Variants in PTPRG observed in about 807,000 individuals in gnomAD.
The protein encoded by PTPRG is receptor-type tyrosine-protein phosphatase gamma.
In PTPRG, 102 loss-of-function variants were observed where a neutral mutation model predicts 165.3. The ratio of observed to expected loss-of-function variants is 0.62; its 90% confidence interval spans 0.53 to 0.73. The LOEUF is 0.73. Ranked by LOEUF, PTPRG falls within the 30% of genes least tolerant of loss-of-function variation. PTPRG has a pLI of 0.00. For synonymous variants in PTPRG, 675 were observed against 669.5 expected (o/e 1.01, Z -0.13); for missense variants, 1,866 against 1,861.4 (o/e 1.00, Z -0.05).
At chr3:61,745,806 TACA>T (rs1280681078) in intron 1 of PTPRG, among the ~76,000 whole-genome samples, 3 of 152,140 alleles carry the variant, frequency 2.0e-5, no homozygotes, top group Non-Finnish European at 4.4e-5. Flanking sequence ...AGAGCTCTAG[TACA>T]ACAATGGCCT....
At chr3:61,866,582 C>CTTTTTTTTTTTTTTTTTT (rs532356516) in intron 2 of PTPRG, among the ~76,000 whole-genome samples, 2 of 69,112 alleles carry the variant, frequency 2.9e-5, no homozygotes, top group South Asian at 9.0e-4. Context: ...ACTGTTTGCT[C>CTTTTTTTTTTTTTTTTTT]TTTTTTTTTT....
intron 1 of PTPRG, among the ~76,000 whole-genome samples, chr3:61,620,409 G>A (rs1701417241): frequency 6.6e-6 from 1 of 152,178 alleles, no homozygotes; most frequent in Non-Finnish European, 1.5e-5. Flanking sequence ...GAGGGAAAAT[G>A]GGATTTGGTT....
At chr3:62,000,780 G>T (rs76372468) in intron 3 of PTPRG, among the ~76,000 whole-genome samples, 1 of 152,142 alleles carries the variant, frequency 6.6e-6, no homozygotes, top group Non-Finnish European at 1.5e-5. Context: ...CCAGTCTTCC[G>T]TGCTGTCCAG....
At chr3:61,921,030 C>CTT (rs1183774135) in intron 2 of PTPRG, among the ~76,000 whole-genome samples, 2 of 151,918 alleles carry the variant, frequency 1.3e-5, no homozygotes, top group African/African-American at 4.8e-5. Context: ...CTCAGCAAAC[C>CTT]GTGAGGGTCT....
chr3:62,178,160 T>C (rs1705504191), intron 8 of PTPRG, among the ~76,000 whole-genome samples: 1 of 150,884 alleles, frequency 6.6e-6, no homozygotes, highest in African/African-American at 2.4e-5. Context: ...GATGGATGGA[T>C]GGATGGATGG....
chr3:62,142,005 C>T (rs1053351622), intron 6 of PTPRG, among the ~76,000 whole-genome samples: 3 of 151,230 alleles, frequency 2.0e-5, no homozygotes, highest in East Asian at 1.9e-4. Context: ...TGGATAAAGA[C>T]GTAGTGGTGC....
At chr3:62,186,109 T>C (rs1705871640) in intron 8 of PTPRG, among the ~76,000 whole-genome samples, 1 of 152,198 alleles carries the variant, frequency 6.6e-6, no homozygotes, top group Admixed American at 6.5e-5. Flanking sequence ...ATTTGACGGG[T>C]GTCTGGTACT....
At chr3:61,952,514 C>G (rs376430266) in intron 2 of PTPRG, among the ~76,000 whole-genome samples, 13 of 152,158 alleles carry the variant, frequency 8.5e-5, no homozygotes, top group Admixed American at 6.5e-5. Flanking sequence ...GCTAAAATTA[C>G]CATCTATTCC....
intron 1 of PTPRG, among the ~76,000 whole-genome samples, chr3:61,571,491 C>G (rs567210858): frequency 6.6e-6 from 1 of 152,274 alleles, no homozygotes; most frequent in South Asian, 2.1e-4. Flanking sequence ...TCTTCCTGTA[C>G]TTGCTACAAT....
intron 1 of PTPRG, among the ~76,000 whole-genome samples, chr3:61,578,514 C>A (rs1700216565): frequency 6.6e-6 from 1 of 152,134 alleles, no homozygotes; most frequent in South Asian, 2.1e-4. Flanking sequence ...GTAGAGACAT[C>A]CAAAATCCCC....
At chr3:61,617,224 G>C (rs183914239) in intron 1 of PTPRG, among the ~76,000 whole-genome samples, 115 of 152,340 alleles carry the variant, frequency 7.5e-4, no homozygotes, top group African/African-American at 2.3e-3. Context: ...CCCGGATACA[G>C]ACAGGGCCAA....
chr3:61,792,379 A>C (rs997443791), intron 2 of PTPRG, among the ~76,000 whole-genome samples: 3 of 151,704 alleles, frequency 2.0e-5, no homozygotes, highest in African/African-American at 7.3e-5. Flanking sequence ...GTGCGCCACC[A>C]TGCCCAGCTA....
chr3:61,676,732 A>C (rs1213011679), intron 1 of PTPRG, among the ~76,000 whole-genome samples: 1 of 152,076 alleles, frequency 6.6e-6, no homozygotes. Context: ...ATAAGTTACT[A>C]ATTCCCATTT....
intron 1 of PTPRG, among the ~76,000 whole-genome samples, chr3:61,703,229 C>T (rs1254755815): frequency 6.6e-6 from 1 of 151,948 alleles, no homozygotes; most frequent in Non-Finnish European, 1.5e-5. Flanking sequence ...GTTTGCCCCA[C>T]TTATATAGGT....
chr3:61,777,936 C>G (rs552652386), intron 2 of PTPRG, among the ~76,000 whole-genome samples: 2 of 152,192 alleles, frequency 1.3e-5, no homozygotes, highest in Non-Finnish European at 2.9e-5. Context: ...TCCAGAGTTT[C>G]AGATACCAAG....
In PTPRG at chr3:61,562,095, C is replaced by G; in HGVS notation, c.-193C>G. On this transcript the variant is annotated 5_prime_UTR_variant, in exon 1 of 30. Transcript: ENST00000474889. The stretch of plus-strand genomic sequence containing the variant: ...CAGCGTGGCTCTGCGTTCCCGGTCA[C>G]TTTTTGAGATTTTCCGGGGGGCGCT... The G allele has an allele frequency of 1.7e-6, 1 of 590,906 alleles. No homozygotes were observed. Among genetic ancestry groups the G allele is most frequent in the Non-Finnish European group, 3.0e-6 (1 of 333,146 alleles). The allele number at this position is 590,906 out of a possible 1,614,324, so 36.6% of individuals were successfully genotyped here. A position where few individuals can be genotyped will look rare whatever the true frequency, so the allele number is the denominator to read the frequency against.
At chr3:62,285,950 C>G (rs181946494) in intron 28 of PTPRG, among the ~76,000 whole-genome samples, 14 of 152,182 alleles carry the variant, frequency 9.2e-5, no homozygotes, top group Non-Finnish European at 1.8e-4. Flanking sequence ...TTATTCATAC[C>G]CATTCTGTCA....
intron 1 of PTPRG, among the ~76,000 whole-genome samples, chr3:61,722,349 C>G (rs575886685): frequency 5.3e-5 from 8 of 152,178 alleles, no homozygotes; most frequent in Admixed American, 2.6e-4. Flanking sequence ...TCATTAGGCT[C>G]TACCTCTCAA....
chr3:62,131,207 G>C (rs1289787557), intron 5 of PTPRG, among the ~76,000 whole-genome samples: 1 of 152,094 alleles, frequency 6.6e-6, no homozygotes, highest in Admixed American at 6.5e-5. Context: ...CCTCTACCTT[G>C]ATGTCAGTAG....
Sources: gnomAD v4.1 joint callset for allele counts (sites outside exome capture counted in the v4.1 genomes callset) on GRCh38, gnomAD v4.1.1 for gene constraint, MANE v1.5 for transcripts, NCBI Gene and HGNC (gene_info 2026-07-23, HGNC 2026-07-21) for gene names.